Variants in NOP9 observed in about 807,000 individuals in gnomAD.
The protein encoded by NOP9 is NOP9 nucleolar protein, also known as nucleolar protein 9.
Under a neutral mutation model 63.0 loss-of-function variants are expected in NOP9, and 50 were observed. The observed-to-expected ratio is 0.79, with a 90% CI of 0.63 to 1.00. NOP9 has a LOEUF of 1.00. Ranked by LOEUF, NOP9 falls within the 50% of genes least tolerant of loss-of-function variation. The pLI is 0.00. For missense variants in NOP9, 758 were observed against 803.0 expected (o/e 0.94, Z 0.68); for synonymous variants, 343 against 332.8 (o/e 1.03, Z -0.33).
the NOP9 span, among the ~76,000 whole-genome samples, chr14:24,289,641 T>C: frequency 6.6e-6 from 1 of 152,342 alleles, no homozygotes; most frequent in Non-Finnish European, 1.5e-5. Context: ...GGCACACAGT[T>C]CCAAAGGTTC....
At chr14:24,304,891 C>T in intron 9 of NOP9, 47 bp from the exon 10 acceptor site, 4 of 1,487,968 alleles carry the variant, frequency 2.7e-6, no homozygotes, top group Non-Finnish European at 3.6e-6. Context: ...CAAGTAGAGT[C>T]TGTCTTTGAG....
chr14:24,306,336 G>T lies in NOP9; in HGVS notation c.*1241G>T, dbSNP rs1170161232. 1 of 1,613,456 alleles carries T rather than the reference G, an allele frequency of 6.2e-7. No homozygotes were observed. The highest frequency in any genetic ancestry group is 1.7e-5 in the Admixed American group (1 of 60,014). On this transcript the variant is annotated 3_prime_UTR_variant, in exon 10 of 10. Transcript: ENST00000267425. ...GAGGAAGCCCGGGAAAGCTCTAAAGGACAGGCATTGGAAGCAGCCCCAGTA... is the reference window on the plus strand; with the variant it reads ...GAGGAAGCCCGGGAAAGCTCTAAAGTACAGGCATTGGAAGCAGCCCCAGTA...
the NOP9 span, among the ~76,000 whole-genome samples, chr14:24,277,891 A>T: frequency 6.6e-6 from 1 of 152,116 alleles, no homozygotes; most frequent in East Asian, 1.9e-4. Flanking sequence ...TAATCTTGGG[A>T]CCCAGATGAA....
In NOP9 at chr14:24,303,224, T is replaced by C. The variant is rs2139126468; in HGVS notation, c.1284+10T>C. 1 of 1,614,046 alleles carries C rather than the reference T, an allele frequency of 6.2e-7. No individual in the cohort carries two copies. The highest frequency in any genetic ancestry group is 1.1e-5 in the South Asian group (1 of 91,082). Reference sequence around the variant, plus strand: ...ACAGCTCTTGTTGGAGGTGAGTGGATATTACCCACAATCTGTTTATGCCCT... The same window carrying C: ...ACAGCTCTTGTTGGAGGTGAGTGGACATTACCCACAATCTGTTTATGCCCT... On this transcript the variant is annotated intron_variant, in intron 6 of 9. Transcript: ENST00000267425.
chr14:24,299,163 C>G, upstream of NOP9: 1 of 1,568,658 alleles, frequency 6.4e-7, no homozygotes, highest in Non-Finnish European at 8.7e-7. Context: ...TGAGGGAAGC[C>G]TGGAGACTGT....
At position 24,306,732 on chromosome 14, in the gene NOP9, C is replaced by T. The variant is rs1223658579; in HGVS notation, c.*1637C>T. On this transcript the variant is annotated 3_prime_UTR_variant, in exon 10 of 10. Coordinates refer to ENST00000267425, the MANE Select transcript of NOP9 (RefSeq NM_174913.3). The stretch of plus-strand genomic sequence containing the variant: ...GAGGCTGACCTTTTTCCTCTTTGCT[C>T]CTACCATGTCATTGGCATCTCCCCT... 1.7e-6 allele frequency: 1 copy of T among 595,316 alleles called. No homozygotes were observed. The highest frequency in any genetic ancestry group is 2.9e-5 in the East Asian group (1 of 34,822). The allele number at this position is 595,316 out of a possible 1,614,324, so 36.9% of individuals were successfully genotyped here. A position where few individuals can be genotyped will look rare whatever the true frequency, so the allele number is the denominator to read the frequency against.
chr14:24,278,134 G>A, the NOP9 span, among the ~76,000 whole-genome samples: 1 of 152,180 alleles, frequency 6.6e-6, no homozygotes, highest in Non-Finnish European at 1.5e-5. Context: ...GCGAGACAGG[G>A]CATGATGGAT....
chr14:24,276,207 T>G, the NOP9 span, among the ~76,000 whole-genome samples: 1 of 151,620 alleles, frequency 6.6e-6, no homozygotes, highest in Admixed American at 6.6e-5. Flanking sequence ...TGAAATGCCA[T>G]CTCTACTAAA....
chr14:24,301,580 C>T (rs761078837), intron 2 of NOP9, 32 bp from the exon 3 acceptor site: 1 of 1,612,578 alleles, frequency 6.2e-7, no homozygotes, highest in East Asian at 2.2e-5. Flanking sequence ...TTTGTGATCT[C>T]CCCACTGCAC....
the NOP9 span, among the ~76,000 whole-genome samples, chr14:24,273,176 ATT>A: frequency 8.3e-4 from 115 of 137,754 alleles, no homozygotes; most frequent in African/African-American, 1.2e-3. Context: ...AGTGCTTTAA[ATT>A]TTTTTTTTTT....
At chr14:24,299,433 C>A (rs554916635), upstream of NOP9, 6 of 264,564 alleles carry the variant, frequency 2.3e-5, no homozygotes, top group East Asian at 4.5e-4. Flanking sequence ...CCCCTCGGGG[C>A]GCGTCCACGC....
chr14:24,274,860 G>A, the NOP9 span, among the ~76,000 whole-genome samples: 2 of 150,598 alleles, frequency 1.3e-5, no homozygotes, highest in Non-Finnish European at 2.9e-5. Flanking sequence ...TGCCTGCCTC[G>A]GCCTCCCAAA....
At chr14:24,299,529 C>A, upstream of NOP9, 1 of 210,416 alleles carries the variant, frequency 4.8e-6, no homozygotes, top group Non-Finnish European at 9.5e-6. Flanking sequence ...CGGGGATGAG[C>A]GCGAAGCCTG....
the NOP9 span, chr14:24,293,490 CTT>C: frequency 1.3e-5 from 2 of 152,296 alleles, no homozygotes; most frequent in Admixed American, 1.3e-4. Flanking sequence ...AGGAGGATCT[CTT>C]GAGCCCAGGA....
chr14:24,276,388 A>G, the NOP9 span, among the ~76,000 whole-genome samples: 1 of 151,866 alleles, frequency 6.6e-6, no homozygotes, highest in Non-Finnish European at 1.5e-5. Context: ...AAAAAAAAAA[A>G]AAAATAGGTG....
the NOP9 span, among the ~76,000 whole-genome samples, chr14:24,287,764 T>C: frequency 6.6e-6 from 1 of 152,206 alleles, no homozygotes; most frequent in Non-Finnish European, 1.5e-5. Context: ...TCCTCAGTTC[T>C]CCAGGCATGC....
At chr14:24,290,719 C>T in the NOP9 span, 21 of 1,111,538 alleles carry the variant, frequency 1.9e-5, no homozygotes, top group Non-Finnish European at 2.6e-5. Context: ...CCCCAGAACT[C>T]ACCACGGACA....
chr14:24,286,584 T>A, the NOP9 span, among the ~76,000 whole-genome samples: 2 of 151,974 alleles, frequency 1.3e-5, no homozygotes, highest in Non-Finnish European at 2.9e-5. Context: ...TTTTTATTTT[T>A]ATTTTATTTA....
chr14:24,300,891 G>A, intron 2 of NOP9, 34 bp downstream of exon 2: 2 of 1,536,450 alleles, frequency 1.3e-6, no homozygotes, highest in Non-Finnish European at 1.8e-6. Context: ...GACCTAGGGG[G>A]AAGAAGAATT....
Sources: gnomAD v4.1 joint callset for allele counts (sites outside exome capture counted in the v4.1 genomes callset) on GRCh38, gnomAD v4.1.1 for gene constraint, MANE v1.5 for transcripts, NCBI Gene and HGNC (gene_info 2026-07-23, HGNC 2026-07-21) for gene names.